Variants in LINGO2 observed in about 807,000 individuals in gnomAD.
LINGO2 encodes the protein leucine rich repeat and Ig domain containing 2.
A neutral mutation model predicts 30.6 loss-of-function variants in LINGO2; 14 were observed. The ratio of observed to expected loss-of-function variants is 0.46; its 90% CI spans 0.30 to 0.72. The LOEUF (loss-of-function observed/expected upper bound fraction) is 0.72. Ranked by LOEUF, LINGO2 falls within the 30% of genes least tolerant of loss-of-function variation. The pLI, the probability that LINGO2 is intolerant of heterozygous loss-of-function variation, is 0.07. For missense variants in LINGO2, 729 were observed against 751.7 expected (o/e 0.97, Z 0.35); for synonymous variants, 317 against 288.5 (o/e 1.10, Z -1.00).
intron 1 of LINGO2, among the ~76,000 whole-genome samples, chr9:28,624,691 T>G (rs1282952084): frequency 6.6e-6 from 1 of 151,712 alleles, no homozygotes; most frequent in Non-Finnish European, 1.5e-5. Context: ...CCTTGTAGAA[T>G]GAGTTTTAGA....
At chr9:28,037,635 CAG>C (rs1051071172) in intron 4 of LINGO2, among the ~76,000 whole-genome samples, 2 of 152,316 alleles carry the variant, frequency 1.3e-5, no homozygotes, top group African/African-American at 4.8e-5. Flanking sequence ...TTGGAAGAAA[CAG>C]TGTCTTGTTC....
chr9:28,356,277 G>C (rs1190503610), intron 3 of LINGO2, among the ~76,000 whole-genome samples: 1 of 151,976 alleles, frequency 6.6e-6, no homozygotes, highest in Non-Finnish European at 1.5e-5. Flanking sequence ...GTTCCAAGCA[G>C]GTATATTTCT....
chr9:28,410,351 T>G (rs1822713151), intron 2 of LINGO2, among the ~76,000 whole-genome samples: 1 of 152,144 alleles, frequency 6.6e-6, no homozygotes. Context: ...GTGGGTTTTC[T>G]GCTAAAGAAT....
the LINGO2 span, among the ~76,000 whole-genome samples, chr9:29,189,188 A>T: frequency 2.1e-5 from 3 of 142,938 alleles, no homozygotes; most frequent in African/African-American, 5.3e-5. Flanking sequence ...CTGGCCAGGC[A>T]GAGGGGCTCC....
the LINGO2 span, among the ~76,000 whole-genome samples, chr9:28,811,859 T>C: frequency 6.6e-6 from 1 of 152,290 alleles, no homozygotes; most frequent in African/African-American, 2.4e-5. Flanking sequence ...TTCTTATCTG[T>C]ATGTCTTTAC....
chr9:28,893,552 T>C, the LINGO2 span, among the ~76,000 whole-genome samples: 1 of 152,030 alleles, frequency 6.6e-6, no homozygotes, highest in South Asian at 2.1e-4. Context: ...TAATCATTTG[T>C]CTGTGTCCTT....
chr9:28,989,213 C>T, the LINGO2 span, among the ~76,000 whole-genome samples: 2 of 152,094 alleles, frequency 1.3e-5, no homozygotes, highest in African/African-American at 4.8e-5. Context: ...TTACTACCAA[C>T]AAACAAAAGA....
At chr9:29,066,053 T>G in the LINGO2 span, among the ~76,000 whole-genome samples, 9 of 151,898 alleles carry the variant, frequency 5.9e-5, no homozygotes, top group African/African-American at 2.2e-4. Context: ...CCCCAGAATC[T>G]ATCCAGTAGA....
the LINGO2 span, among the ~76,000 whole-genome samples, chr9:29,207,850 C>T: frequency 0.06 from 9,075 of 151,984 alleles, 319 homozygotes; most frequent in Admixed American, 0.086. Context: ...CAAATCCTAG[C>T]GAACCTCATA....
intron 4 of LINGO2, among the ~76,000 whole-genome samples, chr9:28,154,450 T>C (rs1828080880): frequency 6.6e-6 from 1 of 152,184 alleles, no homozygotes; most frequent in Non-Finnish European, 1.5e-5. Context: ...CTGTTTGGTC[T>C]GCTTGGATAC....
At chr9:28,860,555 C>T in the LINGO2 span, among the ~76,000 whole-genome samples, 5 of 151,682 alleles carry the variant, frequency 3.3e-5, no homozygotes, top group South Asian at 2.1e-4. Flanking sequence ...TATGATAAAT[C>T]CCTCTCTCTA....
chr9:28,795,219 G>C, the LINGO2 span, among the ~76,000 whole-genome samples: 5 of 152,148 alleles, frequency 3.3e-5, no homozygotes, highest in Non-Finnish European at 1.5e-5. Flanking sequence ...TGCCTGTCTT[G>C]TTACTGTATT....
chr9:28,139,436 C>T (rs1470140144), intron 4 of LINGO2, among the ~76,000 whole-genome samples: 1 of 152,130 alleles, frequency 6.6e-6, no homozygotes. Flanking sequence ...TCTATTCATC[C>T]ACTTATGACA....
In LINGO2 at chr9:28,148,812, C is replaced by A; in HGVS notation, c.-86-136407G>T. On this transcript the variant is annotated intron_variant, in intron 4 of 5. Transcript: ENST00000379992. This position sits in a 1 kb window ranked among gnomAD's most constrained non-coding sequence, Gnocchi z 5.1. ...GGCTGCTCCCTGTGGCCAGAGAAGG[C>A]GGCCTTGAAGGTGCTGGGTAAAGAC... 2 of 1,530,142 alleles carry A rather than the reference C, an allele frequency of 1.3e-6. No individual in the cohort carries two copies. Among genetic ancestry groups the A allele is most frequent in the Non-Finnish European group, 1.7e-6 (2 of 1,143,228 alleles). 94.8% of individuals were successfully genotyped at this position (1,530,142 alleles called of 1,614,324 possible).
At chr9:29,005,713 G>T in the LINGO2 span, among the ~76,000 whole-genome samples, 1 of 151,916 alleles carries the variant, frequency 6.6e-6, no homozygotes, top group South Asian at 2.1e-4. Context: ...ATGAAAACCC[G>T]GCCCTTCACG....
At chr9:29,082,521 G>C in the LINGO2 span, among the ~76,000 whole-genome samples, 3 of 152,066 alleles carry the variant, frequency 2.0e-5, no homozygotes, top group Admixed American at 1.3e-4. Context: ...ATAGGCATGG[G>C]CAATGACTTC....
intron 4 of LINGO2, among the ~76,000 whole-genome samples, chr9:28,260,009 T>C (rs561101774): frequency 3.3e-5 from 5 of 151,894 alleles, no homozygotes; most frequent in Non-Finnish European, 7.4e-5. Context: ...TTGTGCCCCA[T>C]GGACAACCCA....
chr9:28,576,780 C>A (rs1824012523), intron 1 of LINGO2, among the ~76,000 whole-genome samples: 1 of 152,104 alleles, frequency 6.6e-6, no homozygotes, highest in Non-Finnish European at 1.5e-5. Flanking sequence ...CAGTTGGGAT[C>A]TGTGAGATTT....
the LINGO2 span, among the ~76,000 whole-genome samples, chr9:29,027,638 A>C: frequency 1.3e-5 from 2 of 152,192 alleles, no homozygotes; most frequent in African/African-American, 4.8e-5. Context: ...ACACCAGGCC[A>C]GATATGAGTT....
Sources: allele counts gnomAD v4.1 joint callset (sites outside exome capture counted in the v4.1 genomes callset), GRCh38; gene constraint gnomAD v4.1.1; non-coding constraint Gnocchi (gnomAD v3.1); transcripts MANE v1.5; gene names NCBI Gene and HGNC (gene_info 2026-07-23, HGNC 2026-07-21).